The following ASAP3 variants were observed in gnomAD, a reference collection of about 807,000 sequenced individuals.
ASAP3 encodes arf-GAP with SH3 domain, ANK repeat and PH domain-containing protein 3.
ASAP3 carries 85 observed loss-of-function variants against 118.2 expected under a neutral mutation model. That is an observed-to-expected ratio of 0.72 (90% CI 0.60 to 0.86). The LOEUF is 0.86. ASAP3 is among the 40% of genes least tolerant of loss of function. ASAP3 has a pLI of 0.00. For missense variants in ASAP3, 1,026 were observed against 1,175.0 expected, an observed-to-expected ratio of 0.87 and a Z score of 1.85; for synonymous variants, 432 against 477.4, an observed-to-expected ratio of 0.90 and a Z score of 1.24.
chr1:23,462,021 T>A (rs1641606959), intron 1 of ASAP3, among the ~76,000 whole-genome samples: 1 of 152,010 alleles, frequency 6.6e-6, no homozygotes, highest in South Asian at 2.1e-4. Context: ...CAGACTGTTT[T>A]TCTTTTCTTT....
rs1640740552 is a variant in ASAP3 at position 23,438,082 on chromosome 1, T to G, written c.1103-610A>C. On this transcript the variant is annotated intron_variant, in intron 12 of 24. Transcript: ENST00000336689. This position sits in a 1 kb window ranked among gnomAD's most constrained non-coding sequence, Gnocchi z 4.9. ...ACCCACTCTCCTGCTTCCATGCCTT[T>G]CATCATGCTAATCCTGTCTCCTCAA... 6.6e-6 allele frequency among the ~76,000 whole-genome samples: 1 copy of G among 152,152 alleles called. No homozygotes were observed. The highest frequency in any genetic ancestry group is 2.4e-5 in the African/African-American group (1 of 41,424).
In ASAP3 at chr1:23,436,537, CCT is replaced by C. The variant is rs146267141; in HGVS notation, c.1571+21_1571+22del. The C allele has an allele frequency of 5.0e-6, 8 of 1,612,660 alleles. No homozygotes were observed. Among genetic ancestry groups the C allele is most frequent in the African/African-American group, 4.0e-5 (3 of 74,890 alleles). Reference sequence around the variant, plus strand: ...GGCAGAATCCCCTAGGCAGGGTGCCCCTCTCTCTGAGAATCCCCTTACATGTC... The same window carrying C: ...GGCAGAATCCCCTAGGCAGGGTGCCCCTCTCTGAGAATCCCCTTACATGTC... On this transcript the variant is annotated intron_variant, in intron 16 of 24. Transcript: ENST00000336689. This position sits in a 1 kb window ranked among gnomAD's most constrained non-coding sequence, Gnocchi z 4.2.
At chr1:23,433,343 C>A (rs768410572) in intron 21 of ASAP3, 71 bp from the exon 22 acceptor site, 3 of 1,611,104 alleles carry the variant, frequency 1.9e-6, no homozygotes, top group Admixed American at 1.7e-5. Flanking sequence ...CCCGCCTCAC[C>A]GCCCCCGCCA....
chr1:23,432,395 T>C lies in ASAP3; in HGVS notation c.2324-477A>G, dbSNP rs1452245220. ...CAACTGATGAAGCCTTTGTTCGCGG[T>C]GGCCAGGGCCATGCTGACTCACTTT... is the stretch of plus-strand genomic sequence containing the variant. On this transcript the variant is annotated intron_variant, in intron 22 of 24. Coordinates refer to ENST00000336689, the MANE Select transcript of ASAP3 (RefSeq NM_017707.4). Among the ~76,000 whole-genome samples the C allele has an allele frequency of 8.5e-5, 13 of 152,350 alleles. No homozygotes were observed. The South Asian group carries it at 1.9e-3, about 22-fold the overall frequency.
chr1:23,443,436 AG>A (rs1266627974), intron 5 of ASAP3, among the ~76,000 whole-genome samples: 1 of 152,210 alleles, frequency 6.6e-6, no homozygotes, highest in African/African-American at 2.4e-5. Context: ...CCTACTTATA[AG>A]GGAGAAAGAA....
chr1:23,459,755 C>T (rs1473361194), intron 1 of ASAP3, among the ~76,000 whole-genome samples: 2 of 152,218 alleles, frequency 1.3e-5, no homozygotes, highest in South Asian at 2.1e-4. Context: ...CACATTATGT[C>T]TTTGGTGAAA....
intron 5 of ASAP3, among the ~76,000 whole-genome samples, chr1:23,448,430 A>G (rs1641112841): frequency 1.3e-5 from 2 of 152,180 alleles, no homozygotes; most frequent in Admixed American, 1.3e-4. Context: ...GAAACTCTAA[A>G]GTAGAAGCTG....
chr1:23,479,150 G>A (rs1215968381), intron 1 of ASAP3, among the ~76,000 whole-genome samples: 1 of 152,198 alleles, frequency 6.6e-6, no homozygotes, highest in East Asian at 1.9e-4. Context: ...TGGGACATGA[G>A]ACTGGCTCAA....
At position 23,435,959 on chromosome 1, in the gene ASAP3, C is replaced by T; in HGVS notation, c.1641G>A (p.Glu547=). 1 of 1,614,248 alleles carries T rather than the reference C, an allele frequency of 6.2e-7. No homozygotes were observed. The highest frequency in any genetic ancestry group is 1.6e-4 in the Middle Eastern group (1 of 6,062). Residue 547 remains glutamate (E), a synonymous_variant, in exon 17 of 25, where the codon GAG becomes GAA. Transcript: ENST00000336689. ...EHRFARRCTP[E]PQRLWTAICN... ...AAATGGCTGTCCAGAGTCGCTGAGG[C>T]TCAGGTGTGCACCGGCGTGCAAACC...
At chr1:23,461,581 AC>A (rs1355885634) in intron 1 of ASAP3, among the ~76,000 whole-genome samples, 1 of 150,910 alleles carries the variant, frequency 6.6e-6, no homozygotes, top group Non-Finnish European at 1.5e-5. Context: ...GGACTGTTTG[AC>A]CCCAGGGAGT....
rs1553172983 is a variant in ASAP3, at chr1:23,438,470, T to TA, written c.1102+276dup. Among the ~76,000 whole-genome samples the TA allele has an allele frequency of 6.6e-6, 1 of 152,220 alleles. No individual in the cohort carries two copies. Among genetic ancestry groups the TA allele is most frequent in the Middle Eastern group, 3.4e-3 (1 of 294 alleles). On this transcript the variant is annotated intron_variant, in intron 12 of 24. Coordinates refer to ENST00000336689, the MANE Select transcript of ASAP3 (RefSeq NM_017707.4). The surrounding 1 kb of genome is among the most constrained non-coding windows in gnomAD (Gnocchi z 4.9). ...TATTTGGGAAAAAAAGGTAAAATTT[T>TA]AAAAAAAGAAATAATTTCAAAACCC... is the stretch of plus-strand genomic sequence containing the variant.
At chr1:23,458,615 A>T (rs1482288562) in intron 1 of ASAP3, among the ~76,000 whole-genome samples, 2 of 152,146 alleles carry the variant, frequency 1.3e-5, no homozygotes, top group East Asian at 3.9e-4. Flanking sequence ...CAAAGCAAAC[A>T]AACAAAAAAC....
intron 5 of ASAP3, among the ~76,000 whole-genome samples, chr1:23,448,169 G>C (rs1322380722): frequency 6.6e-6 from 1 of 152,216 alleles, no homozygotes; most frequent in Non-Finnish European, 1.5e-5. Flanking sequence ...CTAAGACCGA[G>C]ATCATTGCAG....
chr1:23,436,767 G>A lies in ASAP3; in HGVS notation c.1477-113C>T. 1 of 1,544,000 alleles carries A rather than the reference G, an allele frequency of 6.5e-7. No homozygotes were observed. Among genetic ancestry groups the A allele is most frequent in the Non-Finnish European group, 8.8e-7 (1 of 1,137,740 alleles). The stretch of plus-strand genomic sequence containing the variant: ...GCCCCTCGGCCGCCCTCCCGGTTCA[G>A]GCCCCGCCCCTGACCACCCGCTACC... On this transcript the variant is annotated intron_variant, in intron 15 of 24. Coordinates refer to ENST00000336689, the MANE Select transcript of ASAP3 (RefSeq NM_017707.4). The surrounding 1 kb of genome is among the most constrained non-coding windows in gnomAD (Gnocchi z 4.2).
intron 24 of ASAP3, among the ~76,000 whole-genome samples, chr1:23,430,807 C>T (rs1047034063): frequency 6.6e-6 from 1 of 152,164 alleles, no homozygotes; most frequent in African/African-American, 2.4e-5. Context: ...CACCTGGGCA[C>T]CAGGACAGGG....
Position 23,484,098 on chromosome 1 carries a change from G to A in ASAP3, c.36C>T (p.Ala12=), listed in dbSNP as rs1375888971. 1 of 1,341,702 alleles carries A rather than the reference G, an allele frequency of 7.5e-7. No individual in the cohort carries two copies. Among genetic ancestry groups the A allele is most frequent in the Non-Finnish European group, 9.5e-7 (1 of 1,049,692 alleles). The allele number at this position is 1,341,702 out of a possible 1,614,324, so 83.1% of individuals were successfully genotyped here. Residue 12 remains alanine, a synonymous_variant, in exon 1 of 25, where the codon GCC becomes GCT. Coordinates refer to ENST00000336689, the MANE Select transcript of ASAP3 (RefSeq NM_017707.4). ...GGGAGCTGAGGTCCTCCGCGGTGACGGCCAGGAACTCGGCGACGCTGAACT... is the reference window on the plus strand; with the variant it reads ...GGGAGCTGAGGTCCTCCGCGGTGACAGCCAGGAACTCGGCGACGCTGAACT... The part of the protein sequence containing the change: ...PEQFSVAEFL[A]VTAEDLSSPA...
At chr1:23,433,346 C>T (rs1558106436) in intron 21 of ASAP3, 74 bp from the exon 22 acceptor site, 2 of 1,612,256 alleles carry the variant, frequency 1.2e-6, no homozygotes, top group East Asian at 2.2e-5. Context: ...GCCTCACCGC[C>T]CCCGCCAACA....
intron 1 of ASAP3, among the ~76,000 whole-genome samples, chr1:23,469,234 A>C (rs568314879): frequency 1.4e-4 from 21 of 152,282 alleles, no homozygotes; most frequent in African/African-American, 5.1e-4. Flanking sequence ...TGAGCCCAGG[A>C]GTCCAAGGCT....
chr1:23,471,090 T>A (rs1570405513), intron 1 of ASAP3, among the ~76,000 whole-genome samples: 1 of 152,218 alleles, frequency 6.6e-6, no homozygotes, highest in East Asian at 1.9e-4. Context: ...CCAGGATGAA[T>A]CCCTCCCTGC....
Sources: allele counts gnomAD v4.1 joint callset (sites outside exome capture counted in the v4.1 genomes callset), GRCh38; gene constraint gnomAD v4.1.1; non-coding constraint Gnocchi (gnomAD v3.1); transcripts MANE v1.5; gene names NCBI Gene and HGNC (gene_info 2026-07-23, HGNC 2026-07-21).